The following VPS13C variants were observed in gnomAD, a reference collection of about 807,000 sequenced individuals.
VPS13C encodes intermembrane lipid transfer protein VPS13C.
A neutral mutation model predicts 456.8 loss-of-function variants in VPS13C; 358 were observed. The ratio of observed to expected loss-of-function variants is 0.78; its 90% CI spans 0.72 to 0.86. VPS13C has a LOEUF of 0.86. Among genes scored for constraint, VPS13C ranks in the 40% least tolerant of loss-of-function variants. The pLI is 0.00. For missense variants in VPS13C, 4,818 were observed against 4,385.4 expected (o/e 1.10, Z -2.79); for synonymous variants, 1,578 against 1,486.7 (o/e 1.06, Z -1.41).
At chr15:62,030,624 A>G (rs1364792151) in intron 5 of VPS13C, among the ~76,000 whole-genome samples, 2 of 152,130 alleles carry the variant, frequency 1.3e-5, no homozygotes, top group African/African-American at 4.8e-5. Flanking sequence ...CAATAATCAC[A>G]TTGTCATAGT....
chr15:62,042,559 A>C (rs2048275388), intron 2 of VPS13C, among the ~76,000 whole-genome samples: 1 of 152,134 alleles, frequency 6.6e-6, no homozygotes, highest in Non-Finnish European at 1.5e-5. Flanking sequence ...CAATAAGAGC[A>C]GCTCTGTCCT....
intron 16 of VPS13C, among the ~76,000 whole-genome samples, chr15:61,997,054 A>G (rs933174931): frequency 1.3e-5 from 2 of 151,680 alleles, no homozygotes; most frequent in Non-Finnish European, 2.9e-5. Flanking sequence ...TCAAGAGTGC[A>G]AAAGAAGAGA....
At chr15:62,044,972 A>G (rs2140736453) in intron 1 of VPS13C, among the ~76,000 whole-genome samples, 1 of 152,222 alleles carries the variant, frequency 6.6e-6, no homozygotes, top group Non-Finnish European at 1.5e-5. Flanking sequence ...ACTGTAATAT[A>G]TTTTCTTAAT....
At chr15:62,033,360 T>C in intron 5 of VPS13C, 81 bp downstream of exon 5, 16 of 871,842 alleles carry the variant, frequency 1.8e-5, no homozygotes, top group Non-Finnish European at 2.4e-5. Flanking sequence ...TATGAAGGCT[T>C]ACAAAAGCAT....
In VPS13C at chr15:61,978,397, A is replaced by C. The variant is rs987672139; in HGVS notation, c.2290+229T>G. Among the ~76,000 whole-genome samples the C allele has an allele frequency of 2.6e-5, 4 of 152,218 alleles. No individual in the cohort carries two copies. In the South Asian group the frequency reaches 8.3e-4, roughly 31 times the overall value. On this transcript the variant is annotated intron_variant, in intron 23 of 84. Transcript: ENST00000644861. ...AAACATAGGCTATGAATAGGCTTAG[A>C]TTGAAATGGAGCTAGGTATCTTAAG...
chr15:61,914,875 C>T (rs4286060), intron 61 of VPS13C, among the ~76,000 whole-genome samples: 82,491 of 122,608 alleles, frequency 0.67, 27,422 homozygotes, highest in East Asian at 0.84. Context: ...CAAAACTCTG[C>T]CTTAAAAAAA....
Position 61,854,323 on chromosome 15 carries a change from C to G in VPS13C, c.*134G>C, listed in dbSNP as rs1893792478. On this transcript the variant is annotated 3_prime_UTR_variant, in exon 85 of 85. Coordinates refer to ENST00000644861, the MANE Select transcript of VPS13C (RefSeq NM_020821.3). ...TAAAAGGTGAAAAAACTAGAAAACC[C>G]AATACTAGCTATTCCAGAAAACTAA... The G allele has an allele frequency of 3.6e-6, 3 of 833,926 alleles. No individual in the cohort carries two copies. The highest frequency in any genetic ancestry group is 2.1e-5 in the Admixed American group (1 of 47,300). The allele number at this position is 833,926 out of a possible 1,614,324, so 51.7% of individuals were successfully genotyped here.
intron 1 of VPS13C, among the ~76,000 whole-genome samples, chr15:62,052,264 A>C (rs2048645848): frequency 1.3e-5 from 2 of 152,224 alleles, no homozygotes; most frequent in African/African-American, 4.8e-5. Flanking sequence ...ATTTAGTTGA[A>C]AGCATATCTG....
In VPS13C at chr15:62,023,098, A is replaced by G. The variant is rs548586280; in HGVS notation, c.624+313T>C. On this transcript the variant is annotated intron_variant, in intron 8 of 84. Coordinates refer to ENST00000644861, the MANE Select transcript of VPS13C (RefSeq NM_020821.3). ...AGAATTAACTCTTTTGTCAGCATAA[A>G]GCAAAAATTAGTTCCTTAAAGTTAT... Among the ~76,000 whole-genome samples, 7 of 152,140 alleles carry G rather than the reference A, an allele frequency of 4.6e-5. No homozygotes were observed. The South Asian group carries it at 1.4e-3, about 31-fold the overall frequency.
intron 42 of VPS13C, among the ~76,000 whole-genome samples, chr15:61,948,024 G>C (rs2044664314): frequency 6.6e-6 from 1 of 152,176 alleles, no homozygotes. Flanking sequence ...GAAGGAAATA[G>C]AGCCTTCTGA....
intron 16 of VPS13C, among the ~76,000 whole-genome samples, chr15:61,998,176 T>C (rs1040557852): frequency 5.9e-5 from 9 of 152,326 alleles, no homozygotes; most frequent in African/African-American, 2.2e-4. Flanking sequence ...TGGTTATACC[T>C]TTCCCTTAGA....
chr15:61,996,987 TTACA>T lies in VPS13C; in HGVS notation c.1353+3573_1353+3576del, dbSNP rs201206985. Among the ~76,000 whole-genome samples the T allele has an allele frequency of 6.0e-3, 801 of 134,506 alleles. 10 individuals carry two copies. Among genetic ancestry groups the T allele is most frequent in the African/African-American group, 0.025 (762 of 30,452 alleles). 88.2% of individuals were successfully genotyped at this position (134,506 alleles called of 152,430 possible). A position where few individuals can be genotyped will look rare whatever the true frequency, so the allele number is the denominator to read the frequency against. On this transcript the variant is annotated intron_variant, in intron 16 of 84. Transcript: ENST00000644861. ...CTGTTTTCATCCTTGCCTATATATT[TTACA>T]TACATACATATATATATATATGTAT...
chr15:61,986,556 TA>T (rs1316246623), intron 18 of VPS13C, among the ~76,000 whole-genome samples: 1 of 151,922 alleles, frequency 6.6e-6, no homozygotes, highest in African/African-American at 2.4e-5. Flanking sequence ...GGATGAAGGA[TA>T]AAAAAATGAT....
chr15:61,913,947 A>G (rs2043382059), intron 61 of VPS13C, among the ~76,000 whole-genome samples: 1 of 152,182 alleles, frequency 6.6e-6, no homozygotes, highest in Admixed American at 6.5e-5. Context: ...ACTCAATGGG[A>G]TAAGAACCAT....
chr15:61,981,758 G>A (rs577877768), intron 21 of VPS13C, among the ~76,000 whole-genome samples: 10 of 152,252 alleles, frequency 6.6e-5, no homozygotes, highest in South Asian at 2.1e-4. Context: ...AGCTACTTGG[G>A]AGGCTGAGGC....
At chr15:62,021,373 T>C (rs914834397) in intron 8 of VPS13C, among the ~76,000 whole-genome samples, 1 of 151,930 alleles carries the variant, frequency 6.6e-6, no homozygotes, top group Non-Finnish European at 1.5e-5. Context: ...TCAAAATGCT[T>C]CTAGGAAAAT....
intron 26 of VPS13C, among the ~76,000 whole-genome samples, chr15:61,973,181 T>G (rs1003967833): frequency 3.3e-5 from 5 of 152,062 alleles, no homozygotes; most frequent in African/African-American, 7.2e-5. Flanking sequence ...GAAAAGCTCA[T>G]GTAGAGATTG....
intron 81 of VPS13C, 137 bp downstream of exon 81, chr15:61,868,522 C>T (rs1472943889): frequency 4.0e-6 from 3 of 744,770 alleles, no homozygotes; most frequent in Non-Finnish European, 6.5e-6. Context: ...GAAAAACAAT[C>T]AAATTCTACT....
intron 37 of VPS13C, among the ~76,000 whole-genome samples, chr15:61,958,355 G>C (rs1023123389): frequency 7.2e-5 from 11 of 151,978 alleles, no homozygotes; most frequent in African/African-American, 2.2e-4. Flanking sequence ...CCACTGATTT[G>C]AAGTTCTTCT....
Sources: allele counts gnomAD v4.1 joint callset (sites outside exome capture counted in the v4.1 genomes callset), GRCh38; gene constraint gnomAD v4.1.1; transcripts MANE v1.5; gene names NCBI Gene and HGNC (gene_info 2026-07-23, HGNC 2026-07-21).